The following ROBO1 variants were observed in gnomAD, a reference collection of about 807,000 sequenced individuals.
ROBO1 encodes roundabout guidance receptor 1, also known as roundabout homolog 1.
In ROBO1, 149 loss-of-function variants were observed where a neutral mutation model predicts 195.9. The ratio of observed to expected loss-of-function variants is 0.76; its 90% CI spans 0.67 to 0.87. The LOEUF is 0.87. Ranked by LOEUF, ROBO1 falls within the 40% of genes least tolerant of loss-of-function variation. The pLI, the probability that ROBO1 is intolerant of heterozygous loss-of-function variation, is 0.00. For synonymous variants in ROBO1, 816 were observed against 733.2 expected, an observed-to-expected ratio of 1.11 and a Z score of -1.82; for missense variants, 1,933 against 2,068.3, an observed-to-expected ratio of 0.93 and a Z score of 1.27.
chr3:79,153,094 C>T lies in ROBO1; in HGVS notation c.89-27555G>A, dbSNP rs79401848. On this transcript the variant is annotated intron_variant, in intron 2 of 30. Transcript: ENST00000464233. Reference sequence around the variant, plus strand: ...ACTACCTTGCCTGTTGTGTGGAGGACGGATGTGTGTGCATTGAGGGTGAGC... The same window carrying T: ...ACTACCTTGCCTGTTGTGTGGAGGATGGATGTGTGTGCATTGAGGGTGAGC... Among the ~76,000 whole-genome samples, 358 of 151,634 alleles carry T rather than the reference C, an allele frequency of 2.4e-3. 10 individuals carry two copies. The East Asian group carries it at 0.065, about 28-fold the overall frequency.
chr3:79,180,726 T>G (rs552207010), intron 2 of ROBO1, among the ~76,000 whole-genome samples: 2 of 152,216 alleles, frequency 1.3e-5, no homozygotes, highest in Admixed American at 1.3e-4. Flanking sequence ...GACAATGCTA[T>G]AAAGGAAAAA....
At chr3:79,277,703 T>C (rs944419889) in intron 2 of ROBO1, among the ~76,000 whole-genome samples, 4 of 151,958 alleles carry the variant, frequency 2.6e-5, no homozygotes, top group African/African-American at 9.7e-5. Context: ...ATATTATACA[T>C]TGTATATCTA....
intron 2 of ROBO1, among the ~76,000 whole-genome samples, chr3:79,143,486 C>T (rs1167629197): frequency 6.6e-6 from 1 of 151,974 alleles, no homozygotes; most frequent in African/African-American, 2.4e-5. Context: ...GATAACAGCA[C>T]ATTTTATTTC....
intron 2 of ROBO1, among the ~76,000 whole-genome samples, chr3:79,203,778 G>A (rs564441594): frequency 1.1e-4 from 16 of 152,254 alleles, no homozygotes; most frequent in Non-Finnish European, 2.1e-4. Flanking sequence ...GAGGTGCAGA[G>A]GATTAGGTGA....
intron 2 of ROBO1, among the ~76,000 whole-genome samples, chr3:79,549,655 G>A (rs1422861270): frequency 6.6e-6 from 1 of 152,106 alleles, no homozygotes; most frequent in Non-Finnish European, 1.5e-5. Context: ...AAATGTGTAG[G>A]TTATATGCAA....
chr3:79,658,569 A>G (rs1182598820), intron 1 of ROBO1, among the ~76,000 whole-genome samples: 4 of 151,984 alleles, frequency 2.6e-5, no homozygotes, highest in African/African-American at 9.7e-5. Context: ...AGTGGTATTT[A>G]TGTATTTATT....
intron 4 of ROBO1, among the ~76,000 whole-genome samples, chr3:78,779,343 T>C (rs2083601992): frequency 6.6e-6 from 1 of 152,168 alleles, no homozygotes; most frequent in South Asian, 2.1e-4. Context: ...GAGAAAATTT[T>C]TGCAATCTAC....
intron 1 of ROBO1, among the ~76,000 whole-genome samples, chr3:79,617,932 A>T (rs1274446565): frequency 6.6e-6 from 1 of 151,348 alleles, no homozygotes; most frequent in Non-Finnish European, 1.5e-5. Context: ...AAAAAAAAAA[A>T]AAAGAACTTC....
chr3:79,105,179 G>T (rs551451425), intron 3 of ROBO1, among the ~76,000 whole-genome samples: 2 of 151,746 alleles, frequency 1.3e-5, no homozygotes, highest in African/African-American at 2.4e-5. Flanking sequence ...TTTAACACAC[G>T]TGGGGAAAGA....
intron 4 of ROBO1, among the ~76,000 whole-genome samples, chr3:78,790,266 C>A (rs2083977111): frequency 6.6e-6 from 1 of 152,154 alleles, no homozygotes; most frequent in African/African-American, 2.4e-5. Context: ...AGACTTACAG[C>A]TTTTCCTGTG....
chr3:79,619,028 T>C (rs1365843305), intron 1 of ROBO1, among the ~76,000 whole-genome samples: 2 of 152,182 alleles, frequency 1.3e-5, no homozygotes, highest in Admixed American at 6.5e-5. Flanking sequence ...TTCACCCACA[T>C]TCCATTGGTG....
intron 2 of ROBO1, among the ~76,000 whole-genome samples, chr3:79,278,868 A>G (rs553684519): frequency 1.3e-5 from 2 of 152,324 alleles, no homozygotes; most frequent in East Asian, 3.9e-4. Flanking sequence ...AAGTTTCTGT[A>G]CAGCATAGGA....
intron 2 of ROBO1, among the ~76,000 whole-genome samples, chr3:79,473,142 C>T (rs866752822): frequency 6.6e-6 from 1 of 152,234 alleles, no homozygotes. Flanking sequence ...ATACAGGTGT[C>T]TTGTGTTTAA....
At chr3:79,520,721 C>T (rs539834391) in intron 2 of ROBO1, among the ~76,000 whole-genome samples, 13 of 151,994 alleles carry the variant, frequency 8.6e-5, no homozygotes, top group South Asian at 4.2e-4. Flanking sequence ...GCAAGAACTA[C>T]CTGAGGGAAA....
At chr3:79,085,427 A>G (rs1418660546) in intron 3 of ROBO1, among the ~76,000 whole-genome samples, 1 of 152,224 alleles carries the variant, frequency 6.6e-6, no homozygotes, top group African/African-American at 2.4e-5. Flanking sequence ...GGCATAGTTA[A>G]CTGTCAGTTT....
intron 2 of ROBO1, among the ~76,000 whole-genome samples, chr3:79,577,519 G>C (rs1036183851): frequency 5.3e-5 from 8 of 151,932 alleles, no homozygotes; most frequent in Admixed American, 5.3e-4. Flanking sequence ...AAAGATATAA[G>C]GTAAATACTG....
intron 1 of ROBO1, among the ~76,000 whole-genome samples, chr3:79,645,353 T>C (rs576644847): frequency 6.6e-6 from 1 of 151,898 alleles, no homozygotes; most frequent in South Asian, 2.1e-4. Context: ...AATAAAAAAA[T>C]TAGCCAGCCA....
chr3:79,529,878 T>A (rs1941578839), intron 2 of ROBO1, among the ~76,000 whole-genome samples: 1 of 152,214 alleles, frequency 6.6e-6, no homozygotes. Context: ...AATAAATAAA[T>A]GTATTAAAAT....
chr3:79,157,156 C>T (rs1327798519), intron 2 of ROBO1, among the ~76,000 whole-genome samples: 1 of 151,758 alleles, frequency 6.6e-6, no homozygotes, highest in Admixed American at 6.6e-5. Context: ...TTTGTTGCTG[C>T]CTTTACATTA....
Sources: gnomAD v4.1 joint callset for allele counts (sites outside exome capture counted in the v4.1 genomes callset) on GRCh38, gnomAD v4.1.1 for gene constraint, MANE v1.5 for transcripts, NCBI Gene and HGNC (gene_info 2026-07-23, HGNC 2026-07-21) for gene names.